Variants in RCAN2 observed in about 807,000 individuals in gnomAD.
RCAN2 encodes the protein regulator of calcineurin 2.
RCAN2 carries 9 observed loss-of-function variants against 23.6 expected under a neutral mutation model. The ratio of observed to expected loss-of-function variants is 0.38; its 90% CI spans 0.23 to 0.67. The LOEUF (loss-of-function observed/expected upper bound fraction) is 0.67, where lower values mean the gene tolerates loss of function less well. Ranked by LOEUF, RCAN2 falls within the 30% of genes least tolerant of loss-of-function variation. The pLI is 0.51. For synonymous variants in RCAN2, 109 were observed against 115.7 expected (o/e 0.94, Z 0.37); for missense variants, 273 against 302.3 (o/e 0.90, Z 0.72).
chr6:46,385,860 C>CAAA (rs59568594), intron 2 of RCAN2, among the ~76,000 whole-genome samples: 5 of 39,648 alleles, frequency 1.3e-4, no homozygotes, highest in South Asian at 1.5e-3. Flanking sequence ...CTCTCTCTCT[C>CAAA]AAAAAAAAAA....
intron 4 of RCAN2, among the ~76,000 whole-genome samples, chr6:46,244,605 G>C (rs911840560): frequency 1.3e-5 from 2 of 152,228 alleles, no homozygotes; most frequent in Non-Finnish European, 2.9e-5. Flanking sequence ...GTGAGCTGGA[G>C]TCCAGCTGGG....
chr6:46,325,472 G>A (rs773526837), intron 2 of RCAN2: 2 of 1,614,002 alleles, frequency 1.2e-6, no homozygotes, highest in Non-Finnish European at 1.7e-6. Context: ...CATGCTAGGG[G>A]CTGGCATTCC....
intron 2 of RCAN2, among the ~76,000 whole-genome samples, chr6:46,369,951 CA>C (rs1765282454): frequency 6.6e-6 from 1 of 152,168 alleles, no homozygotes; most frequent in Non-Finnish European, 1.5e-5. Flanking sequence ...TCCACAGCCT[CA>C]TAGCAAGCAA....
intron 2 of RCAN2, among the ~76,000 whole-genome samples, chr6:46,389,935 A>G (rs1765879526): frequency 6.6e-6 from 1 of 152,148 alleles, no homozygotes; most frequent in Non-Finnish European, 1.5e-5. Context: ...TAATTTTGCC[A>G]AACACTCACC....
chr6:46,484,814 C>T (rs1311871438), intron 1 of RCAN2, among the ~76,000 whole-genome samples: 7 of 152,180 alleles, frequency 4.6e-5, no homozygotes, highest in African/African-American at 7.2e-5. Flanking sequence ...TCTTCAACTC[C>T]CTAAAAGAAA....
chr6:46,273,897 G>T (rs1192543586), intron 2 of RCAN2, among the ~76,000 whole-genome samples: 1 of 151,308 alleles, frequency 6.6e-6, no homozygotes, highest in Non-Finnish European at 1.5e-5. Flanking sequence ...TGTTTCTTTT[G>T]TGAACAAGCC....
chr6:46,428,645 T>C (rs1341568217), intron 2 of RCAN2, among the ~76,000 whole-genome samples: 1 of 152,176 alleles, frequency 6.6e-6, no homozygotes, highest in African/African-American at 2.4e-5. Flanking sequence ...CATGGCTAAA[T>C]TTTCACTATA....
At chr6:46,240,704 T>C (rs1258013453) in intron 4 of RCAN2, among the ~76,000 whole-genome samples, 4 of 152,230 alleles carry the variant, frequency 2.6e-5, no homozygotes, top group African/African-American at 7.2e-5. Context: ...ATCTATATTT[T>C]AAAAACTGAA....
intron 2 of RCAN2, among the ~76,000 whole-genome samples, chr6:46,372,654 C>T (rs1196606371): frequency 6.6e-6 from 1 of 152,120 alleles, no homozygotes; most frequent in East Asian, 1.9e-4. Context: ...TATGATAGTC[C>T]AGAAAGTGCC....
intron 2 of RCAN2, among the ~76,000 whole-genome samples, chr6:46,319,161 C>A (rs1431155016): frequency 6.6e-6 from 1 of 152,164 alleles, no homozygotes; most frequent in Non-Finnish European, 1.5e-5. Flanking sequence ...CTAGTCACTG[C>A]AAAGTTGCAA....
chr6:46,229,344 G>A (rs1363594040), intron 4 of RCAN2, among the ~76,000 whole-genome samples: 1 of 152,156 alleles, frequency 6.6e-6, no homozygotes, highest in Non-Finnish European at 1.5e-5. Context: ...AAGTTCTCCT[G>A]GCTGATATCC....
At position 46,478,490 on chromosome 6, in the gene RCAN2, T is replaced by G. The variant is rs568075657; in HGVS notation, c.-3+12683A>C. 6.6e-5 allele frequency among the ~76,000 whole-genome samples: 10 copies of G among 152,332 alleles called. No individual in the cohort carries two copies. In the South Asian group the frequency reaches 2.1e-3, roughly 32 times the overall value. On this transcript the variant is annotated intron_variant, in intron 1 of 4. Coordinates refer to ENST00000371374, the MANE Select transcript of RCAN2 (RefSeq NM_001251974.2). Reference sequence around the variant, plus strand: ...AATATGGCCCTGGGCTACCCAAGATTGGCACTGCTCTTAAGCTAGCCTTTC... The same window carrying G: ...AATATGGCCCTGGGCTACCCAAGATGGGCACTGCTCTTAAGCTAGCCTTTC...
chr6:46,455,114 G>A (rs1767980077), intron 2 of RCAN2, among the ~76,000 whole-genome samples: 2 of 152,284 alleles, frequency 1.3e-5, no homozygotes, highest in South Asian at 4.2e-4. Flanking sequence ...TATTTCAGAG[G>A]AAACTACTTG....
intron 4 of RCAN2, among the ~76,000 whole-genome samples, chr6:46,228,346 C>T (rs755923371): frequency 2.0e-5 from 3 of 152,122 alleles, no homozygotes; most frequent in Non-Finnish European, 2.9e-5. Context: ...CTTTCTCTCT[C>T]GTTGATCTGT....
At chr6:46,360,000 T>C (rs1417949165) in intron 2 of RCAN2, among the ~76,000 whole-genome samples, 2 of 152,182 alleles carry the variant, frequency 1.3e-5, no homozygotes, top group Non-Finnish European at 2.9e-5. Flanking sequence ...ACACAAATCC[T>C]GTCTTTTTGT....
At chr6:46,461,671 C>T (rs868599001) in intron 1 of RCAN2, among the ~76,000 whole-genome samples, 10 of 152,052 alleles carry the variant, frequency 6.6e-5, no homozygotes, top group Middle Eastern at 3.4e-3. Flanking sequence ...TCGCAACTTC[C>T]GCCTCCCGGG....
intron 2 of RCAN2, among the ~76,000 whole-genome samples, chr6:46,448,386 C>T (rs528525058): frequency 2.4e-4 from 37 of 151,842 alleles, no homozygotes; most frequent in African/African-American, 6.5e-4. Flanking sequence ...GACTTTATTG[C>T]TGAATTTTAA....
intron 2 of RCAN2, among the ~76,000 whole-genome samples, chr6:46,340,488 C>CT (rs1179391582): frequency 6.6e-6 from 1 of 152,190 alleles, no homozygotes; most frequent in African/African-American, 2.4e-5. Context: ...ATTCATGCTA[C>CT]TTTCAGCCAT....
chr6:46,298,991 G>A (rs1272255061), intron 2 of RCAN2, among the ~76,000 whole-genome samples: 1 of 151,966 alleles, frequency 6.6e-6, no homozygotes, highest in African/African-American at 2.4e-5. Context: ...TTATCTTAAG[G>A]GAACTCATAT....
Sources: allele counts gnomAD v4.1 joint callset (sites outside exome capture counted in the v4.1 genomes callset), GRCh38; gene constraint gnomAD v4.1.1; transcripts MANE v1.5; gene names NCBI Gene and HGNC (gene_info 2026-07-23, HGNC 2026-07-21).